SH3PXD2B: variants seen among roughly 807,000 people sequenced by gnomAD.
The protein encoded by SH3PXD2B is SH3 and PX domains 2B.
SH3PXD2B carries 37 observed loss-of-function variants against 73.1 expected under a neutral mutation model. The ratio of observed to expected loss-of-function variants is 0.51; its 90% CI spans 0.39 to 0.67. The LOEUF is 0.67. SH3PXD2B is among the 30% of genes least tolerant of loss of function. The probability of loss-of-function intolerance (pLI) is 0.00; values close to 1 mark genes in which losing one functional copy is unlikely to be tolerated. For missense variants in SH3PXD2B, 1,053 were observed against 1,197.8 expected (o/e 0.88, Z 1.78); for synonymous variants, 457 against 480.5 (o/e 0.95, Z 0.64).
At chr5:172,344,973 G>A (rs1756957241) in intron 12 of SH3PXD2B, among the ~76,000 whole-genome samples, 1 of 148,552 alleles carries the variant, frequency 6.7e-6, no homozygotes, top group African/African-American at 2.6e-5. Context: ...GAAGGAGGGA[G>A]AGAAAGAAAG....
intron 2 of SH3PXD2B, among the ~76,000 whole-genome samples, chr5:172,406,982 C>T (rs1009566569): frequency 2.6e-5 from 4 of 152,090 alleles, no homozygotes; most frequent in African/African-American, 7.2e-5. Context: ...GTCCCCAAAA[C>T]AAAAACCTTT....
chr5:172,369,794 C>A (rs992564642), intron 6 of SH3PXD2B, among the ~76,000 whole-genome samples: 2 of 151,580 alleles, frequency 1.3e-5, no homozygotes, highest in Non-Finnish European at 2.9e-5. Flanking sequence ...AACAAAAAAA[C>A]CCCAACCCCT....
chr5:172,365,434 C>T (rs80341488), intron 6 of SH3PXD2B, among the ~76,000 whole-genome samples: 4,283 of 152,252 alleles, frequency 0.028, 217 homozygotes, highest in African/African-American at 0.098. Context: ...TGTTGGGGCA[C>T]GACAGTGAGA....
In SH3PXD2B at chr5:172,345,883, G is replaced by A. The variant is rs10073462; in HGVS notation, c.1188+253C>T. ...GCAAGTTGAGGGGAAATGGAGGGTG[G>A]CTGTTGATGGGTAAGGAGTTTCTTT... On this transcript the variant is annotated intron_variant, in intron 12 of 12. Transcript: ENST00000311601. Among the ~76,000 whole-genome samples the A allele has an allele frequency of 0.15, 22,246 of 152,092 alleles. 2,765 individuals are homozygous for A. Among genetic ancestry groups the A allele is most frequent in the African/African-American group, 0.35 (14,273 of 41,370 alleles).
In SH3PXD2B at chr5:172,335,698, A is replaced by G. The variant is rs143890389; in HGVS notation, c.*2671T>C. 8.1e-7 allele frequency: 1 copy of G among 1,231,724 alleles called. No homozygotes were observed. Among genetic ancestry groups the G allele is most frequent in the Non-Finnish European group, 1.0e-6 (1 of 987,968 alleles). 76.3% of individuals were successfully genotyped at this position (1,231,724 alleles called of 1,614,324 possible). A position where few individuals can be genotyped will look rare whatever the true frequency, so the allele number is the denominator to read the frequency against. ...CATATGCGCCATCAATCGCTCACAGAATAGCGACCACAGTCCTGGATGGGG... is the reference window on the plus strand; with the variant it reads ...CATATGCGCCATCAATCGCTCACAGGATAGCGACCACAGTCCTGGATGGGG... On this transcript the variant is annotated 3_prime_UTR_variant, in exon 13 of 13. Coordinates refer to ENST00000311601, the MANE Select transcript of SH3PXD2B (RefSeq NM_001017995.3).
At chr5:172,342,392 T>C (rs1012370574) in intron 12 of SH3PXD2B, among the ~76,000 whole-genome samples, 1 of 152,090 alleles carries the variant, frequency 6.6e-6, no homozygotes, top group Admixed American at 6.5e-5. Flanking sequence ...GCGGGTCCTG[T>C]AGAAGGGCCG....
chr5:172,401,602 A>G (rs184923538), intron 3 of SH3PXD2B, among the ~76,000 whole-genome samples: 1 of 152,260 alleles, frequency 6.6e-6, no homozygotes, highest in Admixed American at 6.5e-5. Context: ...AGAAAGGGAG[A>G]GATGTTGTAG....
chr5:172,439,287 AAAAAC>A lies in SH3PXD2B; in HGVS notation c.75+14986_75+14990del, dbSNP rs1561583546. On this transcript the variant is annotated intron_variant, in intron 1 of 12. Coordinates refer to ENST00000311601, the MANE Select transcript of SH3PXD2B (RefSeq NM_001017995.3). ...AACAAAAACAAAAACAAAACAAAAA[AAAAAC>A]CCCAAAAAAAAACCACAGGCATCGG... Among the ~76,000 whole-genome samples the A allele has an allele frequency of 1.6e-3, 102 of 61,870 alleles. 3 individuals carry two copies. The South Asian group carries it at 0.019, about 12-fold the overall frequency. The allele number at this position is 61,870 out of a possible 152,430, so 40.6% of individuals were successfully genotyped here. A position where few individuals can be genotyped will look rare whatever the true frequency, so the allele number is the denominator to read the frequency against.
chr5:172,325,891 G>A (rs1466339969), intron 12 of SH3PXD2B, among the ~76,000 whole-genome samples: 1 of 152,218 alleles, frequency 6.6e-6, no homozygotes, highest in Non-Finnish European at 1.5e-5. Flanking sequence ...GGTTTCAAGC[G>A]ATTCTCCTGC....
At chr5:172,382,228 A>C in intron 4 of SH3PXD2B, 101 bp from the exon 5 acceptor site, 1 of 979,780 alleles carries the variant, frequency 1.0e-6, no homozygotes, top group Non-Finnish European at 1.5e-6. Context: ...AGGCAAGATA[A>C]TTGTTTGAAC....
intron 12 of SH3PXD2B, among the ~76,000 whole-genome samples, chr5:172,344,065 G>C (rs1756922151): frequency 6.6e-6 from 1 of 152,034 alleles, no homozygotes; most frequent in Non-Finnish European, 1.5e-5. Flanking sequence ...AGGAGGTAAG[G>C]TACCTGACAC....
At chr5:172,333,239 A>T (rs1379676428), downstream of SH3PXD2B, among the ~76,000 whole-genome samples, 1 of 152,028 alleles carries the variant, frequency 6.6e-6, no homozygotes, top group Non-Finnish European at 1.5e-5. Flanking sequence ...CTGGACCTCC[A>T]TAGCACACTC....
intron 8 of SH3PXD2B, 84 bp downstream of exon 8, chr5:172,358,689 A>C: frequency 1.6e-6 from 2 of 1,249,176 alleles, no homozygotes; most frequent in Non-Finnish European, 2.3e-6. Context: ...GGCCAAAAGA[A>C]GAGATTGGAT....
In SH3PXD2B at chr5:172,335,710, A is replaced by C; in HGVS notation, c.*2659T>G. On this transcript the variant is annotated 3_prime_UTR_variant, in exon 13 of 13. Coordinates refer to ENST00000311601, the MANE Select transcript of SH3PXD2B (RefSeq NM_001017995.3). ...CAATCGCTCACAGAATAGCGACCAC[A>C]GTCCTGGATGGGGTAAATCTAAGTC... is the stretch of plus-strand genomic sequence containing the variant. 8.1e-7 allele frequency: 1 copy of C among 1,231,698 alleles called. No homozygotes were observed. Among genetic ancestry groups the C allele is most frequent in the Non-Finnish European group, 1.0e-6 (1 of 987,956 alleles). 76.3% of individuals were successfully genotyped at this position (1,231,698 alleles called of 1,614,324 possible).
intron 5 of SH3PXD2B, among the ~76,000 whole-genome samples, chr5:172,377,101 C>T (rs1027408566): frequency 6.6e-6 from 1 of 152,210 alleles, no homozygotes; most frequent in Non-Finnish European, 1.5e-5. Context: ...ACCCCTGCTT[C>T]CACTGTCCCA....
chr5:172,398,504 C>G (rs558839454), intron 3 of SH3PXD2B, among the ~76,000 whole-genome samples: 3 of 152,244 alleles, frequency 2.0e-5, no homozygotes, highest in Admixed American at 2.0e-4. Context: ...TTAATTGCTG[C>G]CCCCACTGAT....
intron 1 of SH3PXD2B, among the ~76,000 whole-genome samples, chr5:172,449,655 G>GGT (rs1759749172): frequency 6.6e-6 from 1 of 152,204 alleles, no homozygotes; most frequent in African/African-American, 2.4e-5. Context: ...CAACCTCACT[G>GGT]GTGTGAACAA....
At chr5:172,423,063 T>C (rs546078263) in intron 1 of SH3PXD2B, among the ~76,000 whole-genome samples, 1 of 152,186 alleles carries the variant, frequency 6.6e-6, no homozygotes, top group East Asian at 1.9e-4. Flanking sequence ...GAGGTGCTGA[T>C]GAAATTAAGG....
chr5:172,448,460 T>C (rs573760548), intron 1 of SH3PXD2B, among the ~76,000 whole-genome samples: 31 of 152,202 alleles, frequency 2.0e-4, no homozygotes, highest in African/African-American at 5.5e-4. Context: ...AAGTGATTTA[T>C]TGAGTGCCTT....
Sources: allele counts gnomAD v4.1 joint callset (sites outside exome capture counted in the v4.1 genomes callset), GRCh38; gene constraint gnomAD v4.1.1; transcripts MANE v1.5; gene names NCBI Gene and HGNC (gene_info 2026-07-23, HGNC 2026-07-21).